Variants in ZNF790 observed in about 807,000 individuals in gnomAD.
ZNF790 encodes zinc finger protein 790.
In ZNF790, 8 loss-of-function variants were observed where a neutral mutation model predicts 12.1. The observed-to-expected ratio is 0.66, with a 90% CI of 0.39 to 1.19. The LOEUF is 1.19. Ranked by LOEUF, ZNF790 falls within the 50% of genes most tolerant of loss-of-function variation. The pLI is 0.01. For missense variants in ZNF790, 707 were observed against 752.2 expected, an observed-to-expected ratio of 0.94 and a Z score of 0.70; for synonymous variants, 252 against 244.3, an observed-to-expected ratio of 1.03 and a Z score of -0.29.
intron 2 of ZNF790, among the ~76,000 whole-genome samples, chr19:36,824,794 A>G (rs1442363608): frequency 6.6e-6 from 1 of 151,838 alleles, no homozygotes; most frequent in Non-Finnish European, 1.5e-5. Context: ...AGCAGTCTTT[A>G]CTGGGCACAA....
chr19:36,842,734 G>A (rs190657687), upstream of ZNF790, among the ~76,000 whole-genome samples: 805 of 151,656 alleles, frequency 5.3e-3, 22 homozygotes, highest in Admixed American at 0.039. Context: ...GGCTGGGCGC[G>A]GTGGCTCATG....
intron 1 of ZNF790, among the ~76,000 whole-genome samples, chr19:36,833,360 C>G (rs895955663): frequency 6.6e-6 from 1 of 152,174 alleles, no homozygotes; most frequent in African/African-American, 2.4e-5. Context: ...TCAGGCTGGT[C>G]TCGAACTCCT....
intron 4 of ZNF790, 73 bp from the exon 5 acceptor site, chr19:36,820,187 A>C (rs963571639): frequency 6.2e-6 from 9 of 1,460,822 alleles, no homozygotes; most frequent in Admixed American, 2.4e-5. Context: ...AAATAGATAT[A>C]GAAAATCTTG....
At chr19:36,837,947 C>T (rs923528618) in intron 1 of ZNF790, 1 of 152,280 alleles carries the variant, frequency 6.6e-6, no homozygotes, top group African/African-American at 2.4e-5. Context: ...CAACGCAAAG[C>T]TCAATTCTTT....
chr19:36,838,643 C>T (rs536382338), upstream of ZNF790, among the ~76,000 whole-genome samples: 1 of 152,336 alleles, frequency 6.6e-6, no homozygotes, highest in South Asian at 2.1e-4. This position sits in a 1 kb window ranked among gnomAD's most constrained non-coding sequence, Gnocchi z 4.4. Flanking sequence ...CCTACCTCTG[C>T]AAAAGGCTCC....
chr19:36,823,436 C>T, intron 3 of ZNF790, 56 bp from the exon 4 acceptor site: 2 of 1,531,404 alleles, frequency 1.3e-6, no homozygotes, highest in Admixed American at 3.7e-5. Context: ...CTAAAATTTG[C>T]AACTACTTCT....
rs114215236 is a variant in ZNF790 at position 36,826,875 on chromosome 19, G to C, written c.-73-1183C>G. Among the ~76,000 whole-genome samples the C allele has an allele frequency of 3.8e-3, 569 of 149,904 alleles. 5 individuals carry two copies. Among genetic ancestry groups the C allele is most frequent in the African/African-American group, 0.013 (527 of 41,160 alleles). On this transcript the variant is annotated intron_variant, in intron 1 of 4. Coordinates refer to ENST00000356725, the MANE Select transcript of ZNF790 (RefSeq NM_206894.4). ...ATTTCCTATAGGAAATGGTACTTCA[G>C]CTGACTCTTGAGGGGCTGTTCTGTG...
In ZNF790 at chr19:36,819,754, A is replaced by G; in HGVS notation, c.590T>C (p.Phe197Ser). The G allele has an allele frequency of 6.2e-7, 1 of 1,613,656 alleles. No individual in the cohort carries two copies. The highest frequency in any genetic ancestry group is 8.5e-7 in the Non-Finnish European group (1 of 1,179,800). The part of the protein sequence containing the change: ...QHQLIHTSEK[F>S]CGDKECGNTF... The stretch of plus-strand genomic sequence containing the variant: ...ATTCCCACATTCTTTATCTCCACAG[A>G]ATTTCTCACTTGTGTGAATTAACTG... The change falls in exon 5 of 5, where the codon TTC (phenylalanine) becomes TCC (serine). Residue 197 changes from phenylalanine to serine, a missense_variant. Transcript: ENST00000356725.
In ZNF790 at chr19:36,835,521, GT is replaced by G. The variant is rs550727955; in HGVS notation, c.-74+2815del. The stretch of plus-strand genomic sequence containing the variant: ...TTCAACATAATCAACAGAGGTTGAG[GT>G]CCCCTTATGTCACAGGGATCAAGAC... On this transcript the variant is annotated intron_variant, in intron 1 of 4. Transcript: ENST00000356725. Among the ~76,000 whole-genome samples, 105 of 152,264 alleles carry G rather than the reference GT, an allele frequency of 6.9e-4. 1 individual carries two copies. Among genetic ancestry groups the G allele is most frequent in the Middle Eastern group, 3.4e-3 (1 of 294 alleles).
chr19:36,845,459 G>A (rs1186302211), intron 1 of ZNF790, among the ~76,000 whole-genome samples: 1 of 151,688 alleles, frequency 6.6e-6, no homozygotes, highest in Non-Finnish European at 1.5e-5. Context: ...GAAAGAGTAA[G>A]TATGTGAATA....
At chr19:36,837,559 T>C (rs1185039631) in intron 1 of ZNF790, 1 of 152,224 alleles carries the variant, frequency 6.6e-6, no homozygotes, top group Non-Finnish European at 1.5e-5. Context: ...TTTCCCCCTA[T>C]ATCTGAAATC....
At chr19:36,820,316 AAT>A (rs1356908982) in intron 4 of ZNF790, among the ~76,000 whole-genome samples, 1 of 152,226 alleles carries the variant, frequency 6.6e-6, no homozygotes, top group East Asian at 1.9e-4. Flanking sequence ...AGTGATGAGA[AAT>A]ATGTTTTATT....
upstream of ZNF790, among the ~76,000 whole-genome samples, chr19:36,840,065 A>G (rs1488795442): frequency 1.3e-5 from 2 of 152,210 alleles, no homozygotes; most frequent in Non-Finnish European, 2.9e-5. Context: ...CTCCATCTCA[A>G]AAAAAGAAAA....
At chr19:36,824,013 T>TTTTG (rs953562825) in intron 2 of ZNF790, among the ~76,000 whole-genome samples, 2 of 146,558 alleles carry the variant, frequency 1.4e-5, no homozygotes, top group African/African-American at 5.1e-5. Flanking sequence ...TTTTTTTTTT[T>TTTTG]GAGACAAGAG....
rs2071615842 is a variant in ZNF790 at position 36,819,393 on chromosome 19, C to CT, written c.950dup (p.Ala318GlyfsTer3). 1 of 1,612,596 alleles carries CT rather than the reference C, an allele frequency of 6.2e-7. No individual in the cohort carries two copies. Among genetic ancestry groups the CT allele is most frequent in the Non-Finnish European group, 8.5e-7 (1 of 1,179,322 alleles). ...TAAGATGTGATCGCTGACTAAAGGC[C>CT]TTTCTACATTCATTACATTCATAGG... is the stretch of plus-strand genomic sequence containing the variant. On this transcript the variant is annotated frameshift_variant, in exon 5 of 5. Transcript: ENST00000356725. LOFTEE classifies it low-confidence loss of function (END_TRUNC).
At chr19:36,840,390 G>A (rs530647646), upstream of ZNF790, among the ~76,000 whole-genome samples, 45 of 152,278 alleles carry the variant, frequency 3.0e-4, no homozygotes, top group South Asian at 3.1e-3. Context: ...TGCACACTGC[G>A]AAGGGTTCTT....
rs1473096319 is a variant in ZNF790, at chr19:36,818,842, G to T, written c.1502C>A (p.Thr501Asn). ...TTCACATTCATATGGCCTCTTTCCA[G>T]TATGAATTTTCTGGTGTCGATTAAG... Reference protein sequence around the residue: ...SELNRHQKIHTGKRPYECEEC... With the variant: ...SELNRHQKIHNGKRPYECEEC... The change falls in exon 5 of 5, where the codon ACT becomes AAT. Residue 501 changes from threonine (T) to asparagine (N), a missense_variant. Coordinates refer to ENST00000356725, the MANE Select transcript of ZNF790 (RefSeq NM_206894.4). 2 of 1,613,538 alleles carry T rather than the reference G, an allele frequency of 1.2e-6. No individual in the cohort carries two copies. The highest frequency in any genetic ancestry group is 1.7e-6 in the Non-Finnish European group (2 of 1,179,844).
upstream of ZNF790, among the ~76,000 whole-genome samples, chr19:36,840,602 T>C (rs2072121970): frequency 2.0e-5 from 3 of 152,134 alleles, no homozygotes; most frequent in African/African-American, 4.8e-5. Context: ...ACATAAACCA[T>C]ACTGTTTGTA....
chr19:36,819,939 C>T lies in ZNF790; in HGVS notation c.405G>A (p.Glu135=). 6.2e-7 allele frequency: 1 copy of T among 1,614,116 alleles called. No individual in the cohort carries two copies. The highest frequency in any genetic ancestry group is 1.1e-5 in the South Asian group (1 of 91,076). Residue 135 remains glutamate (E), a synonymous_variant, in exon 5 of 5, where the codon GAG becomes GAA. Transcript: ENST00000356725. ...TQFQTLQDNQ[E]ECFKQVIRTC... is the part of the protein sequence containing the mutation. ...TGCGTATCACCTGCTTGAAGCATTC[C>T]TCTTGATTATCTTGAAGTGTTTGAA...
Sources: gnomAD v4.1 joint callset for allele counts (sites outside exome capture counted in the v4.1 genomes callset) on GRCh38, gnomAD v4.1.1 for gene constraint, Gnocchi (gnomAD v3.1) non-coding constraint, MANE v1.5 for transcripts, NCBI Gene and HGNC (gene_info 2026-07-23, HGNC 2026-07-21) for gene names.